Variants in LPIN1 observed in about 807,000 individuals in gnomAD.
LPIN1 encodes lipin 1, also known as phosphatidate phosphatase LPIN1.
Under a neutral mutation model 107.5 loss-of-function variants are expected in LPIN1, and 71 were observed. That is an observed-to-expected ratio of 0.66 (90% CI 0.55 to 0.80). LPIN1 has a LOEUF of 0.80. Ranked by LOEUF, LPIN1 falls within the 30% of genes least tolerant of loss-of-function variation. The pLI is 0.00. For missense variants in LPIN1, 1,043 were observed against 1,160.6 expected, an observed-to-expected ratio of 0.90 and a Z score of 1.47; for synonymous variants, 445 against 452.6, an observed-to-expected ratio of 0.98 and a Z score of 0.21.
chr2:11,760,475 C>G (rs1212782871), intron 1 of LPIN1, among the ~76,000 whole-genome samples: 7 of 152,270 alleles, frequency 4.6e-5, no homozygotes, highest in Admixed American at 1.3e-4. Context: ...CGATTAGGAG[C>G]TGGAGACCAG....
chr2:11,775,907 A>G (rs1036686308), intron 5 of LPIN1, among the ~76,000 whole-genome samples, 179 bp from the exon 6 acceptor site: 3 of 147,620 alleles, frequency 2.0e-5, no homozygotes, highest in African/African-American at 7.4e-5. Flanking sequence ...TATAAAGTAT[A>G]TTATATATAC....
Position 11,697,574 on chromosome 2 carries a change from C to T in LPIN1, c.82-16182C>T, listed in dbSNP as rs1423830885. On this transcript the variant is annotated intron_variant, in intron 1 of 21. Transcript: ENST00000449576. The surrounding 1 kb of genome is among the most constrained non-coding windows in gnomAD (Gnocchi z 4.6). ...CCAGTGCTTGCTGAACCGTGGTGAC[C>T]TGCTGACTCCTTCCCTTGCCTGCCA... is the stretch of plus-strand genomic sequence containing the variant. Among the ~76,000 whole-genome samples the T allele has an allele frequency of 6.6e-6, 1 of 152,226 alleles. No homozygotes were observed. The highest frequency in any genetic ancestry group is 1.5e-5 in the Non-Finnish European group (1 of 68,040).
intron 1 of LPIN1, among the ~76,000 whole-genome samples, chr2:11,680,830 G>A (rs553503053): frequency 1.3e-5 from 2 of 152,180 alleles, no homozygotes; most frequent in East Asian, 3.9e-4. Context: ...GCAGTCACGG[G>A]CCGAATATGT....
Position 11,788,394 on chromosome 2 carries a change from A to T in LPIN1, c.1651A>T (p.Asn551Tyr), listed in dbSNP as rs751535374. The part of the protein sequence containing the change: ...LVVKIGSKYY[N>Y]WTTAAPLLLA... ...TTCATTGTTTTGTGTTAGATATTAT[A>T]ACTGGACAACAGCAGCACCCCTCCT... Residue 551 changes from asparagine (N) to tyrosine (Y), a missense_variant, in exon 12 of 21, where the codon AAC (asparagine) becomes TAC (tyrosine). Asn to Tyr is a moderately radical substitution (Grantham distance 143). Transcript: ENST00000674199. 6.1e-5 allele frequency: 98 copies of T among 1,613,146 alleles called. 1 individual carries two copies. The highest frequency in any genetic ancestry group is 8.2e-5 in the Non-Finnish European group (97 of 1,179,208).
At chr2:11,822,885 T>C (rs1681790540) in intron 20 of LPIN1, among the ~76,000 whole-genome samples, 1 of 152,188 alleles carries the variant, frequency 6.6e-6, no homozygotes, top group South Asian at 2.1e-4. Context: ...AGGGTTAAAA[T>C]GCACACCTCG....
chr2:11,779,947 C>T (rs544557982), intron 7 of LPIN1, among the ~76,000 whole-genome samples: 2 of 151,418 alleles, frequency 1.3e-5, no homozygotes, highest in African/African-American at 4.9e-5. Context: ...ATGGCTCTAT[C>T]TTGGCTCACT....
At position 11,767,957 on chromosome 2, in the gene LPIN1, C is replaced by CGTGGCTGT. The variant is rs1671204323; in HGVS notation, c.288+104_288+111dup. On this transcript the variant is annotated intron_variant, in intron 3 of 20. Transcript: ENST00000674199. ...GAAGTTTGTGCAAAGTAATACCGGC[C>CGTGGCTGT]GTGGCTGTGTGGACGATGGGGCAGA... is the stretch of plus-strand genomic sequence containing the variant. 6 of 819,624 alleles carry CGTGGCTGT rather than the reference C, an allele frequency of 7.3e-6. No individual in the cohort carries two copies. In the Middle Eastern group the frequency reaches 6.6e-4, roughly 90 times the overall value. The allele number at this position is 819,624 out of a possible 1,614,324, so 50.8% of individuals were successfully genotyped here. A position where few individuals can be genotyped will look rare whatever the true frequency, so the allele number is the denominator to read the frequency against.
At chr2:11,751,261 A>G (rs1031288895) in intron 1 of LPIN1, among the ~76,000 whole-genome samples, 1 of 148,644 alleles carries the variant, frequency 6.7e-6, no homozygotes, top group African/African-American at 2.5e-5. Context: ...CCTGTCCAGC[A>G]CCCTGTCCTG....
chr2:11,770,261 G>T (rs576520360), intron 3 of LPIN1, among the ~76,000 whole-genome samples: 2 of 152,334 alleles, frequency 1.3e-5, no homozygotes, highest in East Asian at 1.9e-4. Context: ...CTGACAGGGT[G>T]CCTGTGGGTG....
rs903890786 is a variant in LPIN1, at chr2:11,803,372, CAA to C, written c.2013+340_2013+341del. The stretch of plus-strand genomic sequence containing the variant: ...AAATCACTCAAGGGTGTTTTTGCTT[CAA>C]GAGAGAGATGTTTGTTAACTCAAAT... On this transcript the variant is annotated intron_variant, in intron 15 of 20. Coordinates refer to ENST00000674199, the MANE Select transcript of LPIN1 (RefSeq NM_001349206.2). This position sits in a 1 kb window ranked among gnomAD's most constrained non-coding sequence, Gnocchi z 4.2. 6.6e-5 allele frequency among the ~76,000 whole-genome samples: 10 copies of C among 152,184 alleles called. No homozygotes were observed. Among genetic ancestry groups the C allele is most frequent in the East Asian group, 1.9e-4 (1 of 5,170 alleles).
intron 1 of LPIN1, among the ~76,000 whole-genome samples, chr2:11,702,728 G>A (rs1662933885): frequency 6.6e-6 from 1 of 152,092 alleles, no homozygotes; most frequent in Non-Finnish European, 1.5e-5. Context: ...CTGACCTCAG[G>A]TCACTCTCAG....
intron 2 of LPIN1, among the ~76,000 whole-genome samples, chr2:11,766,341 G>A (rs1157770697): frequency 6.6e-6 from 1 of 152,190 alleles, no homozygotes; most frequent in African/African-American, 2.4e-5. Context: ...GCTTTTCTTG[G>A]TGGTGTCAAT....
intron 1 of LPIN1, chr2:11,677,852 G>A: frequency 1.2e-6 from 1 of 819,502 alleles, no homozygotes; most frequent in Non-Finnish European, 2.0e-6. Flanking sequence ...GTTCGGGATG[G>A]GTTTGTGCAT....
At chr2:11,696,419 A>G (rs1299530168) in intron 1 of LPIN1, among the ~76,000 whole-genome samples, 2 of 152,036 alleles carry the variant, frequency 1.3e-5, no homozygotes, top group Non-Finnish European at 2.9e-5. Context: ...GGGTCACTTG[A>G]ATTTGATATG....
In LPIN1 at chr2:11,776,105, A is replaced by G. The variant is rs754343537; in HGVS notation, c.742A>G (p.Arg248Gly). 7.1e-6 allele frequency: 11 copies of G among 1,546,764 alleles called. No individual in the cohort carries two copies. The African/African-American group carries it at 1.4e-4, about 19-fold the overall frequency. Reference sequence around the variant, plus strand: ...ATCCAGTAGCCTGGTAGATTGCAAAAGGACTGCCCCTCATCTTGCAGTTGC... The same window carrying G: ...ATCCAGTAGCCTGGTAGATTGCAAAGGGACTGCCCCTCATCTTGCAGTTGC... The part of the protein sequence containing the change: ...PTPSSLVDCK[R>G]TAPHLAVAAE... The change falls in exon 6 of 21, where the codon AGG becomes GGG. Residue 248 changes from arginine to glycine, a missense_variant. Arg to Gly is a moderately radical substitution (Grantham distance 125, BLOSUM62 -2). Transcript: ENST00000674199.
At chr2:11,748,890 C>T (rs919245342) in intron 1 of LPIN1, among the ~76,000 whole-genome samples, 2 of 152,088 alleles carry the variant, frequency 1.3e-5, no homozygotes, top group African/African-American at 4.8e-5. Flanking sequence ...GTGTTAGGTC[C>T]CGCCAGGACA....
chr2:11,755,940 C>T (rs1456039853), intron 1 of LPIN1, among the ~76,000 whole-genome samples: 1 of 152,150 alleles, frequency 6.6e-6, no homozygotes, highest in African/African-American at 2.4e-5. Flanking sequence ...CCAGGATGAT[C>T]TCGGTCTCCT....
chr2:11,753,578 C>T (rs532285828), intron 1 of LPIN1, among the ~76,000 whole-genome samples: 8 of 152,308 alleles, frequency 5.3e-5, no homozygotes, highest in African/African-American at 9.6e-5. Flanking sequence ...TACAGCAGGG[C>T]GTGGGCTGCT....
At position 11,708,314 on chromosome 2, in the gene LPIN1, G is replaced by C. The variant is rs562712897; in HGVS notation, c.82-5442G>C. On this transcript the variant is annotated intron_variant, in intron 1 of 21. Coordinates refer to the LPIN1 transcript ENST00000449576. Reference sequence around the variant, plus strand: ...GAGGAGGGTGATTATTTGCCAAGGGGGGGACTCTGAGAAGGCCCCATGGAG... The same window carrying C: ...GAGGAGGGTGATTATTTGCCAAGGGCGGGACTCTGAGAAGGCCCCATGGAG... Among the ~76,000 whole-genome samples the C allele has an allele frequency of 2.0e-5, 3 of 152,274 alleles. No homozygotes were observed. In the South Asian group the frequency reaches 6.2e-4, roughly 32 times the overall value.
Sources: allele counts gnomAD v4.1 joint callset (sites outside exome capture counted in the v4.1 genomes callset), GRCh38; gene constraint gnomAD v4.1.1; non-coding constraint Gnocchi (gnomAD v3.1); transcripts MANE v1.5; gene names NCBI Gene and HGNC (gene_info 2026-07-23, HGNC 2026-07-21).